The following DOCK3 variants were observed in gnomAD, a reference collection of about 807,000 sequenced individuals.
DOCK3 encodes the protein dedicator of cytokinesis 3.
DOCK3 carries 60 observed loss-of-function variants against 265.6 expected under a neutral mutation model. The observed-to-expected ratio is 0.23, with a 90% CI of 0.18 to 0.28. DOCK3 has a LOEUF of 0.28. DOCK3 is among the 10% of genes least tolerant of loss of function. The pLI is 1.00. For synonymous variants in DOCK3, 881 were observed against 938.0 expected, an observed-to-expected ratio of 0.94 and a Z score of 1.11; for missense variants, 1,981 against 2,594.3, an observed-to-expected ratio of 0.76 and a Z score of 5.14.
intron 9 of DOCK3, among the ~76,000 whole-genome samples, chr3:51,097,314 G>A (rs1410110240): frequency 6.6e-6 from 1 of 152,212 alleles, no homozygotes; most frequent in Non-Finnish European, 1.5e-5. Flanking sequence ...CCAGAGTGGA[G>A]GAATCTAGAG....
chr3:51,288,885 G>T (rs1030115869), intron 27 of DOCK3, among the ~76,000 whole-genome samples: 55 of 147,070 alleles, frequency 3.7e-4, no homozygotes, highest in African/African-American at 1.0e-3. Flanking sequence ...TGTTTGTGTG[G>T]GTGTGTGTGT....
At chr3:51,342,822 C>A (rs954279594) in intron 38 of DOCK3, among the ~76,000 whole-genome samples, 57 of 152,176 alleles carry the variant, frequency 3.7e-4, no homozygotes, top group African/African-American at 1.3e-3. Flanking sequence ...GACTAGGAGG[C>A]TCCATAGGCC....
intron 9 of DOCK3, among the ~76,000 whole-genome samples, chr3:51,118,383 TG>T (rs1355103515): frequency 1.3e-5 from 2 of 152,222 alleles, no homozygotes; most frequent in African/African-American, 4.8e-5. Context: ...TCCAGTTATG[TG>T]GTCAATTTTC....
At chr3:51,241,345 C>T (rs56052360) in intron 21 of DOCK3, among the ~76,000 whole-genome samples, 6,576 of 152,194 alleles carry the variant, frequency 0.043, 220 homozygotes, top group Non-Finnish European at 0.065. Flanking sequence ...CTCTAAATGC[C>T]TTTAACATTT....
In DOCK3 at chr3:50,689,676, C is replaced by A. The variant is rs949556827; in HGVS notation, c.37+14376C>A. Among the ~76,000 whole-genome samples, 3 of 152,218 alleles carry A rather than the reference C, an allele frequency of 2.0e-5. No homozygotes were observed. The South Asian group carries it at 6.2e-4, about 32-fold the overall frequency. On this transcript the variant is annotated intron_variant, in intron 1 of 52. Coordinates refer to ENST00000266037, the MANE Select transcript of DOCK3 (RefSeq NM_004947.5). ...CTCATAAGGAGCATGCAACCTAGATCCCTTGCATGCACAGTTCACAACAGG... is the reference window on the plus strand; with the variant it reads ...CTCATAAGGAGCATGCAACCTAGATACCTTGCATGCACAGTTCACAACAGG...
intron 1 of DOCK3, among the ~76,000 whole-genome samples, chr3:50,708,106 G>A (rs2036529439): frequency 6.6e-6 from 1 of 152,184 alleles, no homozygotes; most frequent in African/African-American, 2.4e-5. Flanking sequence ...TGGGTAGTGT[G>A]GGCAGTCCTC....
At chr3:50,879,791 T>C (rs1288116768) in intron 3 of DOCK3, among the ~76,000 whole-genome samples, 2 of 152,302 alleles carry the variant, frequency 1.3e-5, no homozygotes, top group East Asian at 3.9e-4. Context: ...CTAATAGACA[T>C]CTAGAGAACT....
chr3:50,719,461 A>T (rs1224510342), intron 1 of DOCK3: 2 of 730,814 alleles, frequency 2.7e-6, no homozygotes, highest in Non-Finnish European at 4.6e-6. Context: ...GATGGTTAAG[A>T]TAAAGCACAA....
At chr3:50,724,251 T>C (rs1012849700) in intron 1 of DOCK3, among the ~76,000 whole-genome samples, 1 of 151,902 alleles carries the variant, frequency 6.6e-6, no homozygotes, top group African/African-American at 2.4e-5. Context: ...TTGATGGGAG[T>C]GTAAATTAGT....
chr3:51,187,567 G>A (rs1172664344), intron 12 of DOCK3, among the ~76,000 whole-genome samples: 2 of 152,108 alleles, frequency 1.3e-5, no homozygotes, highest in African/African-American at 4.8e-5. Context: ...AGGGTAGAAT[G>A]ATATGGTTTG....
At chr3:51,143,583 T>C (rs537504532) in intron 9 of DOCK3, among the ~76,000 whole-genome samples, 2 of 152,332 alleles carry the variant, frequency 1.3e-5, no homozygotes, top group Non-Finnish European at 1.5e-5. Flanking sequence ...ACTGTGTTTT[T>C]AATTTGCATT....
chr3:51,105,929 C>T (rs1358101223), intron 9 of DOCK3, among the ~76,000 whole-genome samples: 1 of 152,174 alleles, frequency 6.6e-6, no homozygotes, highest in Non-Finnish European at 1.5e-5. Flanking sequence ...CTGCTCTTGC[C>T]ACAGGCCCCA....
intron 4 of DOCK3, among the ~76,000 whole-genome samples, chr3:50,916,240 G>T (rs1380745248): frequency 6.6e-6 from 1 of 152,012 alleles, no homozygotes; most frequent in East Asian, 1.9e-4. Context: ...GTTAATGTGT[G>T]TTCCTGGGAT....
chr3:50,862,526 A>T (rs2046965805), intron 3 of DOCK3, among the ~76,000 whole-genome samples: 1 of 152,084 alleles, frequency 6.6e-6, no homozygotes, highest in Admixed American at 6.6e-5. Context: ...TTCTTAGGGG[A>T]GGGGCTGAGG....
chr3:50,867,353 G>A (rs1482163103), intron 3 of DOCK3, among the ~76,000 whole-genome samples: 1 of 152,024 alleles, frequency 6.6e-6, no homozygotes, highest in African/African-American at 2.4e-5. Flanking sequence ...CTAAATATGG[G>A]ATTATATCAT....
chr3:50,870,582 T>A (rs929167007), intron 3 of DOCK3, among the ~76,000 whole-genome samples: 1 of 152,178 alleles, frequency 6.6e-6, no homozygotes, highest in Admixed American at 6.5e-5. Flanking sequence ...TATCTTTTGA[T>A]TGGAGAGTTT....
At chr3:51,370,072 T>C (rs1576968653) in intron 49 of DOCK3, among the ~76,000 whole-genome samples, 1 of 152,158 alleles carries the variant, frequency 6.6e-6, no homozygotes, top group Non-Finnish European at 1.5e-5. Flanking sequence ...TTTGTCAGTA[T>C]GTGAAAGCTG....
intron 33 of DOCK3, 133 bp from the exon 34 acceptor site, chr3:51,332,868 G>A: frequency 9.0e-7 from 1 of 1,113,630 alleles, no homozygotes; most frequent in South Asian, 1.4e-5. Flanking sequence ...TAAGGTGGCT[G>A]GAGCCGAACC....
At chr3:51,099,782 A>G (rs1358030197) in intron 9 of DOCK3, among the ~76,000 whole-genome samples, 2 of 152,254 alleles carry the variant, frequency 1.3e-5, no homozygotes, top group African/African-American at 2.4e-5. Context: ...AGTAAATTGT[A>G]TCATATTTGA....
Sources: allele counts gnomAD v4.1 joint callset (sites outside exome capture counted in the v4.1 genomes callset), GRCh38; gene constraint gnomAD v4.1.1; transcripts MANE v1.5; gene names NCBI Gene and HGNC (gene_info 2026-07-23, HGNC 2026-07-21).